CNTN1: variants seen among roughly 807,000 people sequenced by gnomAD.
CNTN1 encodes the protein contactin-1.
In CNTN1, 38 loss-of-function variants were observed where a neutral mutation model predicts 126.4. The ratio of observed to expected loss-of-function variants is 0.30; its 90% CI spans 0.23 to 0.39. CNTN1 has a LOEUF of 0.39. Ranked by LOEUF, CNTN1 falls within the 10% of genes least tolerant of loss-of-function variation. The pLI, the probability that CNTN1 is intolerant of heterozygous loss-of-function variation, is 1.00. For missense variants in CNTN1, 1,009 were observed against 1,248.4 expected, an observed-to-expected ratio of 0.81 and a Z score of 2.89; for synonymous variants, 413 against 422.6, an observed-to-expected ratio of 0.98 and a Z score of 0.28.
At chr12:40,872,217 T>C (rs1314430352) in intron 1 of CNTN1, among the ~76,000 whole-genome samples, 1 of 28,662 alleles carries the variant, frequency 3.5e-5, no homozygotes, top group Non-Finnish European at 7.2e-5. Context: ...TTTGTTTGTG[T>C]GTGTGTGTGT....
At chr12:40,908,638 C>A in intron 2 of CNTN1, 145 bp downstream of exon 2, 2 of 567,020 alleles carry the variant, frequency 3.5e-6, no homozygotes, top group Non-Finnish European at 6.1e-6. Context: ...CAAGGGTGAC[C>A]CTATTTCCTT....
chr12:40,743,221 C>A (rs996586167), intron 1 of CNTN1, among the ~76,000 whole-genome samples: 1 of 151,970 alleles, frequency 6.6e-6, no homozygotes, highest in Non-Finnish European at 1.5e-5. Context: ...GAGTTTGGAA[C>A]GAACACAAGG....
intron 1 of CNTN1, among the ~76,000 whole-genome samples, chr12:40,778,014 CTGTTGGT>C (rs1939654493): frequency 6.6e-6 from 1 of 151,834 alleles, no homozygotes; most frequent in Non-Finnish European, 1.5e-5. Context: ...AATGAAAACA[CTGTTGGT>C]TTTAACATTT....
intron 14 of CNTN1, among the ~76,000 whole-genome samples, chr12:40,948,898 T>C (rs1169527959): frequency 6.6e-6 from 1 of 152,200 alleles, no homozygotes; most frequent in Non-Finnish European, 1.5e-5. Context: ...AACTATGAAG[T>C]TCCTGGCAAT....
Position 40,953,703 on chromosome 12 carries a change from A to G in CNTN1, c.1684-5411A>G, listed in dbSNP as rs569165295. ...AAAAATCGTAAAAGAGTTCATGGTG[A>G]AAAATTAATAAATATAAATTTAATA... On this transcript the variant is annotated intron_variant, in intron 14 of 23. Coordinates refer to ENST00000551295, the MANE Select transcript of CNTN1 (RefSeq NM_001843.4). 2.8e-3 allele frequency among the ~76,000 whole-genome samples: 432 copies of G among 152,200 alleles called. 1 individual carries two copies. The highest frequency in any genetic ancestry group is 9.9e-3 in the African/African-American group (410 of 41,566).
Position 41,071,095 on chromosome 12 carries a change from T to A in CNTN1, c.*1060T>A, listed in dbSNP as rs1950150634. ...TTTGTAAAAATAACAATAATAATAA[T>A]AATAATAATTAGTTTTAAGCTCATT... is the stretch of plus-strand genomic sequence containing the variant. On this transcript the variant is annotated 3_prime_UTR_variant, in exon 24 of 24. Transcript: ENST00000551295. 1 of 151,580 alleles carries A rather than the reference T, an allele frequency of 6.6e-6. No homozygotes were observed. Among genetic ancestry groups the A allele is most frequent in the African/African-American group, 2.4e-5 (1 of 41,294 alleles). The allele number at this position is 151,580 out of a possible 1,614,324, so 9.4% of individuals were successfully genotyped here.
intron 1 of CNTN1, among the ~76,000 whole-genome samples, chr12:40,859,141 T>A (rs1279563296): frequency 4.6e-5 from 7 of 151,650 alleles, no homozygotes; most frequent in African/African-American, 1.5e-4. Context: ...TTAAAATAAA[T>A]ATAAAAAATT....
chr12:41,028,112 G>C (rs1428024042), intron 22 of CNTN1, 143 bp downstream of exon 22: 1 of 648,820 alleles, frequency 1.5e-6, no homozygotes, highest in Non-Finnish European at 2.8e-6. Context: ...GCTCATTGCA[G>C]CCTCCACTTC....
At chr12:40,995,140 T>TA (rs952555647) in intron 17 of CNTN1, among the ~76,000 whole-genome samples, 1 of 152,158 alleles carries the variant, frequency 6.6e-6, no homozygotes, top group Non-Finnish European at 1.5e-5. Flanking sequence ...TATCCTTTTT[T>TA]ATCTAATAAA....
intron 1 of CNTN1, among the ~76,000 whole-genome samples, chr12:40,841,805 C>T (rs201886482): frequency 2.0e-5 from 3 of 151,948 alleles, no homozygotes; most frequent in Admixed American, 6.6e-5. Context: ...ATAGGACAAA[C>T]GCATAGCTAA....
intron 1 of CNTN1, among the ~76,000 whole-genome samples, chr12:40,874,488 G>A (rs967783624): frequency 3.3e-5 from 5 of 152,044 alleles, no homozygotes; most frequent in Non-Finnish European, 5.9e-5. Flanking sequence ...TTTTACAGAT[G>A]TCTAAATTAT....
intron 1 of CNTN1, among the ~76,000 whole-genome samples, chr12:40,837,365 G>A (rs1942098698): frequency 1.3e-5 from 2 of 152,178 alleles, no homozygotes; most frequent in African/African-American, 4.8e-5. Flanking sequence ...TGGAAGCTGG[G>A]AGTGACTTCC....
intron 1 of CNTN1, among the ~76,000 whole-genome samples, chr12:40,818,782 T>C (rs927311012): frequency 6.6e-6 from 1 of 152,064 alleles, no homozygotes; most frequent in Non-Finnish European, 1.5e-5. Flanking sequence ...CATTTTTTCA[T>C]TAATTCTTTT....
chr12:41,046,154 T>C (rs890378733), intron 23 of CNTN1, among the ~76,000 whole-genome samples: 6 of 152,144 alleles, frequency 3.9e-5, no homozygotes, highest in Non-Finnish European at 8.8e-5. Context: ...TTAATTTATC[T>C]AACTTTTCTT....
chr12:40,959,355 A>T, intron 15 of CNTN1, 121 bp downstream of exon 15: 1 of 1,047,800 alleles, frequency 9.5e-7, no homozygotes, highest in Non-Finnish European at 1.4e-6. Context: ...TCCCATGCTT[A>T]AGAATGGATC....
chr12:40,816,184 TC>T (rs939781073), intron 1 of CNTN1, among the ~76,000 whole-genome samples: 2 of 152,082 alleles, frequency 1.3e-5, no homozygotes, highest in Non-Finnish European at 2.9e-5. Context: ...TAGGGAGGAG[TC>T]CCTCCTTTTC....
intron 1 of CNTN1, among the ~76,000 whole-genome samples, chr12:40,733,514 A>G (rs1272924358): frequency 6.6e-6 from 1 of 151,936 alleles, no homozygotes; most frequent in East Asian, 1.9e-4. Context: ...CCAGAGGAAG[A>G]GGTACAAGAG....
intron 22 of CNTN1, among the ~76,000 whole-genome samples, chr12:41,028,480 GATAAA>G (rs1379683547): frequency 6.6e-6 from 1 of 152,154 alleles, no homozygotes; most frequent in Non-Finnish European, 1.5e-5. Flanking sequence ...ATACTTTAAA[GATAAA>G]ATAGAATAAT....
intron 1 of CNTN1, among the ~76,000 whole-genome samples, chr12:40,761,112 A>G (rs1338749001): frequency 1.3e-5 from 2 of 152,158 alleles, no homozygotes; most frequent in African/African-American, 4.8e-5. Context: ...CTATTTGTAA[A>G]TCAACATGAT....
Sources: gnomAD v4.1 joint callset for allele counts (sites outside exome capture counted in the v4.1 genomes callset) on GRCh38, gnomAD v4.1.1 for gene constraint, MANE v1.5 for transcripts, NCBI Gene and HGNC (gene_info 2026-07-23, HGNC 2026-07-21) for gene names.